KLF12: variants seen among roughly 807,000 people sequenced by gnomAD.
KLF12 encodes the protein Krueppel-like factor 12.
KLF12 carries 9 observed loss-of-function variants against 37.8 expected under a neutral mutation model. That is an observed-to-expected ratio of 0.24 (90% CI 0.14 to 0.42). The LOEUF (loss-of-function observed/expected upper bound fraction) is 0.42. Ranked by LOEUF, KLF12 falls within the 10% of genes least tolerant of loss-of-function variation. KLF12 has a pLI of 1.00. For synonymous variants in KLF12, 208 were observed against 202.1 expected (o/e 1.03, Z -0.25); for missense variants, 411 against 516.0 (o/e 0.80, Z 1.97).
At chr13:74,010,098 C>A (rs985047288) in intron 1 of KLF12, among the ~76,000 whole-genome samples, 1 of 151,842 alleles carries the variant, frequency 6.6e-6, no homozygotes, top group East Asian at 1.9e-4. Context: ...TACAGGCATG[C>A]ACCACCACAC....
chr13:74,204,343 G>A, the KLF12 span, among the ~76,000 whole-genome samples: 14 of 151,978 alleles, frequency 9.2e-5, no homozygotes, highest in East Asian at 1.9e-3. Context: ...TTTGTTACAG[G>A]GATATATTTT....
chr13:73,872,436 A>G, intron 3 of KLF12, among the ~76,000 whole-genome samples: 1 of 152,190 alleles, frequency 6.6e-6, no homozygotes, highest in Non-Finnish European at 1.5e-5. Flanking sequence ...GGATTACTAA[A>G]TCTCCTCAGT....
At chr13:74,118,592 G>A (rs1361747334) in intron 1 of KLF12, among the ~76,000 whole-genome samples, 2 of 152,124 alleles carry the variant, frequency 1.3e-5, no homozygotes, top group African/African-American at 4.8e-5. Flanking sequence ...TGCAAAGGCT[G>A]GTAGGTGGAG....
chr13:73,912,424 G>T (rs1200159891), intron 3 of KLF12, among the ~76,000 whole-genome samples: 3 of 152,150 alleles, frequency 2.0e-5, no homozygotes, highest in Non-Finnish European at 2.9e-5. Context: ...TTAAGAAGAG[G>T]TCATACTGGA....
chr13:74,250,368 T>C, the KLF12 span, among the ~76,000 whole-genome samples: 1 of 152,136 alleles, frequency 6.6e-6, no homozygotes, highest in East Asian at 1.9e-4. Flanking sequence ...GCAAAAGGTC[T>C]TTGAGGTCAT....
intron 5 of KLF12, among the ~76,000 whole-genome samples, chr13:73,790,643 G>A (rs1325013457): frequency 6.6e-6 from 1 of 152,224 alleles, no homozygotes; most frequent in Non-Finnish European, 1.5e-5. Flanking sequence ...GGCTGACACT[G>A]CATAGAAAGC....
the KLF12 span, among the ~76,000 whole-genome samples, chr13:74,275,699 C>A: frequency 6.6e-6 from 1 of 150,546 alleles, no homozygotes. Context: ...TTGTATATAA[C>A]CTTTTTTTTT....
chr13:74,087,787 T>C (rs1875398930), intron 1 of KLF12, among the ~76,000 whole-genome samples: 1 of 152,118 alleles, frequency 6.6e-6, no homozygotes, highest in Admixed American at 6.6e-5. Context: ...TATAATATAC[T>C]ATTATCTGTA....
intron 1 of KLF12, among the ~76,000 whole-genome samples, chr13:74,020,522 A>G (rs17291465): frequency 0.039 from 5,900 of 152,254 alleles, 144 homozygotes; most frequent in Middle Eastern, 0.078. Context: ...CCCAAGACAC[A>G]TGTTTTCTGA....
chr13:73,944,820 G>A (rs762021530), intron 2 of KLF12, among the ~76,000 whole-genome samples: 3 of 152,070 alleles, frequency 2.0e-5, no homozygotes, highest in Non-Finnish European at 4.4e-5. Flanking sequence ...AATTGTCACC[G>A]CCTTGGGGAT....
At chr13:73,849,375 T>TAAAAAAAAAAAAAAAAAAAAAAA (rs574332239) in intron 3 of KLF12, among the ~76,000 whole-genome samples, 1 of 98,986 alleles carries the variant, frequency 1.0e-5, no homozygotes, top group African/African-American at 4.8e-5. Flanking sequence ...GGAGACTCCA[T>TAAAAAAAAAAAAAAAAAAAAAAA]AAAAAAAAAA....
chr13:73,784,122 T>G (rs138333106), intron 5 of KLF12, among the ~76,000 whole-genome samples: 9 of 152,262 alleles, frequency 5.9e-5, no homozygotes, highest in Non-Finnish European at 1.2e-4. Context: ...CCCTTTAAAT[T>G]AAAAGAAGGA....
At chr13:74,131,334 C>T (rs928092132) in intron 1 of KLF12, among the ~76,000 whole-genome samples, 1 of 152,194 alleles carries the variant, frequency 6.6e-6, no homozygotes, top group Non-Finnish European at 1.5e-5. Context: ...GATGCATGTT[C>T]TTCAGAATGA....
At chr13:73,741,962 G>C (rs998791913) in intron 6 of KLF12, among the ~76,000 whole-genome samples, 1 of 152,132 alleles carries the variant, frequency 6.6e-6, no homozygotes, top group Admixed American at 6.6e-5. Flanking sequence ...ATACAACAAA[G>C]ATCACCAACT....
In KLF12 at chr13:73,690,399, G is replaced by A. The variant is rs1433759812; in HGVS notation, c.*5091C>T. 2 of 152,182 alleles carry A rather than the reference G, an allele frequency of 1.3e-5. No individual in the cohort carries two copies. Among genetic ancestry groups the A allele is most frequent in the Non-Finnish European group, 2.9e-5 (2 of 68,008 alleles). The allele number at this position is 152,182 out of a possible 1,614,324, so 9.4% of individuals were successfully genotyped here. On this transcript the variant is annotated 3_prime_UTR_variant, in exon 8 of 8. Coordinates refer to ENST00000377669, the MANE Select transcript of KLF12 (RefSeq NM_007249.5). ...TGGAATAAAACAAGAATAAACACCT[G>A]TATGGTTGTTCACACTCTGTTGAGG...
chr13:74,189,261 AGACT>A, the KLF12 span, among the ~76,000 whole-genome samples: 4 of 152,204 alleles, frequency 2.6e-5, no homozygotes, highest in Non-Finnish European at 5.9e-5. Context: ...AGACAATGGT[AGACT>A]CATAAGAAAA....
intron 1 of KLF12, among the ~76,000 whole-genome samples, chr13:74,016,502 C>A (rs1254160540): frequency 6.6e-6 from 1 of 152,138 alleles, no homozygotes; most frequent in Non-Finnish European, 1.5e-5. Flanking sequence ...GCTAGGAGTA[C>A]AGGCATGTGC....
intron 2 of KLF12, chr13:73,962,112 A>C: frequency 2.4e-6 from 1 of 422,956 alleles, no homozygotes; most frequent in Non-Finnish European, 4.7e-6. Context: ...ACTGTGGTAC[A>C]TCCAGACAAT....
chr13:73,959,837 T>C (rs1051082602), intron 2 of KLF12, among the ~76,000 whole-genome samples: 3 of 152,182 alleles, frequency 2.0e-5, no homozygotes, highest in Admixed American at 2.0e-4. Flanking sequence ...AACTTTATTT[T>C]GCTCCTAATA....
Sources: allele counts gnomAD v4.1 joint callset (sites outside exome capture counted in the v4.1 genomes callset), GRCh38; gene constraint gnomAD v4.1.1; transcripts MANE v1.5; gene names NCBI Gene and HGNC (gene_info 2026-07-23, HGNC 2026-07-21).